CDHR4: variants seen among roughly 807,000 people sequenced by gnomAD.
CDHR4 encodes cadherin-related family member 4.
A neutral mutation model predicts 88.4 loss-of-function variants in CDHR4; 89 were observed. The observed-to-expected ratio is 1.01, with a 90% CI of 0.85 to 1.20. The LOEUF is 1.20. CDHR4 is among the 50% of genes most tolerant of loss of function. The probability of loss-of-function intolerance (pLI) is 0.00; values close to 1 mark genes in which losing one functional copy is unlikely to be tolerated. For missense variants in CDHR4, 914 were observed against 1,007.2 expected, an observed-to-expected ratio of 0.91 and a Z score of 1.25; for synonymous variants, 368 against 399.2, an observed-to-expected ratio of 0.92 and a Z score of 0.93.
intron 17 of CDHR4, 94 bp downstream of exon 17, chr3:49,791,620 G>C: frequency 6.7e-7 from 1 of 1,485,128 alleles, no homozygotes; most frequent in African/African-American, 1.4e-5. Context: ...CCCATTCATC[G>C]GAAAAGGGGC....
Position 49,795,336 on chromosome 3 carries a change from G to A in CDHR4, c.891C>T (p.Arg297=). 1 of 1,551,502 alleles carries A rather than the reference G, an allele frequency of 6.4e-7. No homozygotes were observed. The highest frequency in any genetic ancestry group is 2.0e-5 in the Admixed American group (1 of 50,990). The change falls in exon 8 of 19, where the codon CGC becomes CGT. Residue 297 remains arginine (R), a synonymous_variant. Transcript: ENST00000412678. This position sits in a 1 kb window ranked among gnomAD's most constrained non-coding sequence, Gnocchi z 5.4. ...VRTTTPLELA[R]TSGTAVSRLQ... is the part of the protein sequence containing the mutation. Reference sequence around the variant, plus strand: ...GCCTGGAGACCGCGGTGCCTGAGGTGCGAGCTAACTCTAGGGGCGTGGTGG... The same window carrying A: ...GCCTGGAGACCGCGGTGCCTGAGGTACGAGCTAACTCTAGGGGCGTGGTGG...
Position 49,796,014 on chromosome 3 carries a change from T to C in CDHR4, c.639A>G (p.Gly213=), listed in dbSNP as rs1410949015. 6.5e-7 allele frequency: 1 copy of C among 1,539,492 alleles called. No homozygotes were observed. Among genetic ancestry groups the C allele is most frequent in the Non-Finnish European group, 8.8e-7 (1 of 1,142,544 alleles). Residue 213 remains glycine (G), a synonymous_variant, in exon 6 of 19, where the codon GGA becomes GGG. Coordinates refer to ENST00000412678, the MANE Select transcript of CDHR4 (RefSeq NM_001007540.4). ...VFQLQISVSF[G]QRQSCQGMVI... The stretch of plus-strand genomic sequence containing the variant: ...CCATCCCTTGGCAGCTTTGCCTTTG[T>C]CCAAAGGACACTGAGATTTGCAGCT...
At position 49,792,959 on chromosome 3, in the gene CDHR4, G is replaced by A. The variant is rs746748949; in HGVS notation, c.1890C>T (p.Ala630=). 1.7e-5 allele frequency: 27 copies of A among 1,551,548 alleles called. No individual in the cohort carries two copies. The highest frequency in any genetic ancestry group is 5.9e-5 in the South Asian group (5 of 84,068). Residue 630 remains alanine (A), a synonymous_variant, in exon 14 of 19, where the codon GCC becomes GCT. Coordinates refer to ENST00000412678, the MANE Select transcript of CDHR4 (RefSeq NM_001007540.4). ...PRTYELLICV[A]DAGPSTPHLS... ...GGTGGGGGGTGGAGGGGCCTGCATC[G>A]GCCACACAGATCAGTAGCTCATAGG...
chr3:49,791,808 C>A lies in CDHR4; in HGVS notation c.2196-7G>T. On this transcript the variant is annotated splice_polypyrimidine_tract_variant and splice_region_variant and intron_variant, in intron 16 of 18. Transcript: ENST00000412678. ...TCCCTCAGTTCCCTGGATGCTGGGGCAAAGTACGAGCAAGAGTACAGGGCA... is the reference window on the plus strand; with the variant it reads ...TCCCTCAGTTCCCTGGATGCTGGGGAAAAGTACGAGCAAGAGTACAGGGCA... 1 of 1,551,656 alleles carries A rather than the reference C, an allele frequency of 6.4e-7. No homozygotes were observed. Among genetic ancestry groups the A allele is most frequent in the African/African-American group, 1.4e-5 (1 of 73,158 alleles).
In CDHR4 at chr3:49,794,665, A is replaced by G; in HGVS notation, c.1222T>C (p.Cys408Arg). Reference protein sequence around the residue: ...ATLDCDTPGACFQHAASILVL... With the variant: ...ATLDCDTPGARFQHAASILVL... ...AGGATGGAGGCTGCATGCTGGAAGC[A>G]GGCTCCAGGAGTGTCACAGTCCAGT... Residue 408 changes from cysteine (C) to arginine (R), a missense_variant, in exon 10 of 19, where the codon TGC becomes CGC. Physicochemically the swap from Cys to Arg is radical, Grantham distance 180. Transcript: ENST00000412678. 6.4e-7 allele frequency: 1 copy of G among 1,551,434 alleles called. No homozygotes were observed. Among genetic ancestry groups the G allele is most frequent in the Non-Finnish European group, 8.7e-7 (1 of 1,146,890 alleles).
chr3:49,792,556 G>A lies in CDHR4; in HGVS notation c.2050C>T (p.Pro684Ser), dbSNP rs970926983. The A allele has an allele frequency of 1.1e-5, 17 of 1,551,696 alleles. No individual in the cohort carries two copies. The highest frequency in any genetic ancestry group is 1.5e-5 in the Non-Finnish European group (17 of 1,146,992). ...AACACCACCACAAACCAGGGCTGTG[G>A]CTGCCAGAAAGCCTCTGTGTCTGTC... ...LVTDTEAFWQ[P>S]QPWFVVVLTA... The change falls in exon 15 of 19, where the codon CCA (proline) becomes TCA (serine). Residue 684 changes from proline (P) to serine (S), a missense_variant. Pro to Ser is a moderately conservative substitution (Grantham distance 74). Transcript: ENST00000412678.
At chr3:49,793,379 C>T (rs1280988111) in intron 12 of CDHR4, 68 bp from the exon 13 acceptor site, 1 of 1,514,970 alleles carries the variant, frequency 6.6e-7, no homozygotes, top group African/African-American at 1.4e-5. Flanking sequence ...AGCCCCTCAA[C>T]TTCTTCTCAC....
chr3:49,798,587 CAAAAA>C (rs1204316024), intron 4 of CDHR4: 431 of 402,088 alleles, frequency 1.1e-3, no homozygotes, highest in South Asian at 1.7e-3. Flanking sequence ...GACTCCGTCT[CAAAAA>C]AAAAAAAAAA....
At chr3:49,801,748 G>A (rs140173192), upstream of CDHR4, among the ~76,000 whole-genome samples, 1 of 152,324 alleles carries the variant, frequency 6.6e-6, no homozygotes, top group East Asian at 1.9e-4. Flanking sequence ...CTTGATTTTA[G>A]TTCCAAAACA....
Position 49,799,033 on chromosome 3 carries a change from G to T in CDHR4, c.364C>A (p.Leu122Ile). The change falls in exon 3 of 19, where the codon CTT (leucine) becomes ATT (isoleucine). Residue 122 changes from leucine (L) to isoleucine (I), a missense_variant. By Grantham distance (5) the Leu-to-Ile change is conservative. Coordinates refer to ENST00000412678, the MANE Select transcript of CDHR4 (RefSeq NM_001007540.4). ...GSLSVDVQRD[L>I]SHIQCAGQFA... ...TGACCAGCACACTGGATATGGCTAA[G>T]GTCCCGCTGCACATCCACAGAGAGT... The T allele has an allele frequency of 3.1e-6, 5 of 1,603,822 alleles. No homozygotes were observed. The South Asian group carries it at 4.5e-5, about 14-fold the overall frequency.
chr3:49,793,207 G>A lies in CDHR4; in HGVS notation c.1728C>T (p.Ile576=). 2 of 1,551,704 alleles carry A rather than the reference G, an allele frequency of 1.3e-6. No homozygotes were observed. Among genetic ancestry groups the A allele is most frequent in the Non-Finnish European group, 8.7e-7 (1 of 1,147,002 alleles). The change falls in exon 13 of 19, where the codon ATC becomes ATT. Residue 576 remains isoleucine, a synonymous_variant. Transcript: ENST00000412678. ...SVEVTKMSCQ[I]PQEPQRLIYS... ...AGATCAGGCGCTGTGGCTCCTGAGG[G>A]ATCTGGCATGACATCTTGGTCACCT...
chr3:49,792,675 C>G (rs189028062), intron 14 of CDHR4, 65 bp from the exon 15 acceptor site: 2 of 1,539,572 alleles, frequency 1.3e-6, no homozygotes, highest in Non-Finnish European at 1.8e-6. Context: ...AGCCTTCCAA[C>G]CCTTCCCCGG....
chr3:49,796,921 C>T lies in CDHR4; in HGVS notation c.606+1G>A, dbSNP rs1663753935. Reference sequence around the variant, plus strand: ...ACCCTCAGATTCCAGGTCATGCTCACCTTTTGAGCCTGGCCTAGGAGGCCC... The same window carrying T: ...ACCCTCAGATTCCAGGTCATGCTCATCTTTTGAGCCTGGCCTAGGAGGCCC... On this transcript the variant is annotated splice_donor_variant, in intron 5 of 18. Coordinates refer to ENST00000412678, the MANE Select transcript of CDHR4 (RefSeq NM_001007540.4). LOFTEE classifies it high-confidence loss of function. The T allele has an allele frequency of 6.5e-7, 1 of 1,549,756 alleles. No individual in the cohort carries two copies. Among genetic ancestry groups the T allele is most frequent in the South Asian group, 1.2e-5 (1 of 84,042 alleles).
upstream of CDHR4, among the ~76,000 whole-genome samples, chr3:49,802,379 G>T (rs574477326): frequency 6.0e-4 from 91 of 152,088 alleles, 1 homozygote; most frequent in East Asian, 0.016. Flanking sequence ...GTTTCACCAT[G>T]TTAGCCAGGA....
Position 49,790,780 on chromosome 3 carries a change from C to G in CDHR4, c.*52G>C. On this transcript the variant is annotated 3_prime_UTR_variant, in exon 19 of 19. Coordinates refer to ENST00000412678, the MANE Select transcript of CDHR4 (RefSeq NM_001007540.4). Reference sequence around the variant, plus strand: ...TTATGAATCAACTTGAAAATACAGCCCATGATGGTGTGAAAAAGAAATTCC... The same window carrying G: ...TTATGAATCAACTTGAAAATACAGCGCATGATGGTGTGAAAAAGAAATTCC... 1 of 1,446,154 alleles carries G rather than the reference C, an allele frequency of 6.9e-7. No homozygotes were observed. Among genetic ancestry groups the G allele is most frequent in the African/African-American group, 1.4e-5 (1 of 70,370 alleles). The allele number at this position is 1,446,154 out of a possible 1,614,324, so 89.6% of individuals were successfully genotyped here.
At chr3:49,794,146 C>T in intron 10 of CDHR4, 140 bp from the exon 11 acceptor site, 2 of 798,782 alleles carry the variant, frequency 2.5e-6, no homozygotes, top group East Asian at 5.4e-5. Context: ...CGCCTGTAAT[C>T]CCAGCACTTT....
At position 49,792,501 on chromosome 3, in the gene CDHR4, G is replaced by A; in HGVS notation, c.2105C>T (p.Ala702Val). ...LTATGALLLL[A>V]LGWLLGRLLQ... is the part of the protein sequence containing the mutation. ...GAGCCTGCCAAGAAGCCAGCCTAGGGCCAAGAGGAGAAGAGCACCAGTTGC... is the reference window on the plus strand; with the variant it reads ...GAGCCTGCCAAGAAGCCAGCCTAGGACCAAGAGGAGAAGAGCACCAGTTGC... The change falls in exon 15 of 19, where the codon GCC becomes GTC. Residue 702 changes from alanine (A) to valine (V), a missense_variant. By Grantham distance (64) the Ala-to-Val change is moderately conservative. Transcript: ENST00000412678. The A allele has an allele frequency of 6.4e-7, 1 of 1,551,664 alleles. No individual in the cohort carries two copies. The highest frequency in any genetic ancestry group is 8.7e-7 in the Non-Finnish European group (1 of 1,146,986).
At chr3:49,791,026 C>T in intron 18 of CDHR4, 139 bp from the exon 19 acceptor site, 1 of 662,576 alleles carries the variant, frequency 1.5e-6, no homozygotes, top group Non-Finnish European at 2.6e-6. Flanking sequence ...GGAATCTAAC[C>T]TGTCCCCTCC....
chr3:49,791,541 C>T, intron 17 of CDHR4, 73 bp from the exon 18 acceptor site: 2 of 1,525,866 alleles, frequency 1.3e-6, no homozygotes, highest in South Asian at 1.2e-5. Flanking sequence ...AGGCCTGCCC[C>T]TAGGGGGCCA....
Sources: allele counts gnomAD v4.1 joint callset (sites outside exome capture counted in the v4.1 genomes callset), GRCh38; gene constraint gnomAD v4.1.1; non-coding constraint Gnocchi (gnomAD v3.1); transcripts MANE v1.5; gene names NCBI Gene and HGNC (gene_info 2026-07-23, HGNC 2026-07-21).